The following SMC5 variants were observed in gnomAD, a reference collection of about 807,000 sequenced individuals.
SMC5 encodes the protein structural maintenance of chromosomes 5, also known as structural maintenance of chromosomes protein 5.
A neutral mutation model predicts 148.3 loss-of-function variants in SMC5; 88 were observed. That is an observed-to-expected ratio of 0.59 (90% CI 0.50 to 0.71). The LOEUF is 0.71. SMC5 is among the 30% of genes least tolerant of loss of function. SMC5 has a pLI of 0.00. For missense variants in SMC5, 1,142 were observed against 1,298.9 expected (o/e 0.88, Z 1.86); for synonymous variants, 421 against 432.8 (o/e 0.97, Z 0.34).
rs71364589 is a variant in SMC5 at position 70,270,642 on chromosome 9, ATTTTT to A, written c.380+2687_380+2691del. On this transcript the variant is annotated intron_variant, in intron 3 of 24. Coordinates refer to ENST00000361138, the MANE Select transcript of SMC5 (RefSeq NM_015110.4). Reference sequence around the variant, plus strand: ...AGGAATTGAGGACAGAGACTAAATAATTTTTTTTTTTTTTTTTTTTTTTTGGGACG... The same window carrying A: ...AGGAATTGAGGACAGAGACTAAATAATTTTTTTTTTTTTTTTTTTGGGACG... Among the ~76,000 whole-genome samples, 10 of 103,812 alleles carry A rather than the reference ATTTTT, an allele frequency of 9.6e-5. No individual in the cohort carries two copies. In the South Asian group the frequency reaches 2.4e-3, roughly 25 times the overall value. 68.1% of individuals were successfully genotyped at this position (103,812 alleles called of 152,430 possible).
chr9:70,352,326 T>C lies in SMC5; in HGVS notation c.3301T>C (p.Ser1101Pro). The C allele has an allele frequency of 1.3e-6, 2 of 1,589,016 alleles. No homozygotes were observed. The highest frequency in any genetic ancestry group is 1.7e-6 in the Non-Finnish European group (2 of 1,171,028). Residue 1101 changes from serine to proline, a missense_variant, in exon 25 of 25, where the codon TCT becomes CCT. Around this residue, in one of 5 missense-constraint regions of SMC5, gnomAD observed 63 missense variants for 65.7 expected, o/e 0.96. Coordinates refer to ENST00000361138, the MANE Select transcript of SMC5 (RefSeq NM_015110.4). ...GCGCCGTATTACATTCACTCAACCT[T>C]CTTAATAAAAGTAAAGAGAGGGAAC... ...RRRRITFTQP[S>P]
At chr9:70,330,292 C>T (rs1399949844) in intron 17 of SMC5, among the ~76,000 whole-genome samples, 1 of 152,154 alleles carries the variant, frequency 6.6e-6, no homozygotes, top group Admixed American at 6.5e-5. Flanking sequence ...GTAGTACACA[C>T]ACACATACTT....
At chr9:70,275,269 G>T (rs1044908971) in intron 3 of SMC5, among the ~76,000 whole-genome samples, 5 of 152,070 alleles carry the variant, frequency 3.3e-5, no homozygotes, top group Admixed American at 1.3e-4. Context: ...GTCTCACCCT[G>T]TCATGATCAT....
rs765909632 is a variant in SMC5 at position 70,286,196 on chromosome 9, ACAGG to A, written c.982-1_984del. 9.4e-7 allele frequency: 1 copy of A among 1,063,734 alleles called. No homozygotes were observed. The allele number at this position is 1,063,734 out of a possible 1,614,324, so 65.9% of individuals were successfully genotyped here. The stretch of plus-strand genomic sequence containing the variant: ...CCCCCCCTCTCCCCGGTTTAATTTT[ACAGG>A]CAACAGATATTAAGGAGGCATCTCA... On this transcript the variant is annotated splice_acceptor_variant and splice_polypyrimidine_tract_variant and coding_sequence_variant and intron_variant, in exon 8 of 25. Transcript: ENST00000361138. LOFTEE classifies it high-confidence loss of function.
Position 70,297,888 on chromosome 9 carries a change from A to G in SMC5, c.1054-78A>G, listed in dbSNP as rs1341244556. On this transcript the variant is annotated intron_variant, in intron 8 of 24. Coordinates refer to ENST00000361138, the MANE Select transcript of SMC5 (RefSeq NM_015110.4). ...ACCTATGTTAGATTGTTTGCATGTT[A>G]AAAACTATATTACTACAGAAGTCTT... is the stretch of plus-strand genomic sequence containing the variant. 3 of 1,487,010 alleles carry G rather than the reference A, an allele frequency of 2.0e-6. No homozygotes were observed. The East Asian group carries it at 6.8e-5, about 34-fold the overall frequency. 92.1% of individuals were successfully genotyped at this position (1,487,010 alleles called of 1,614,324 possible). A position where few individuals can be genotyped will look rare whatever the true frequency, so the allele number is the denominator to read the frequency against.
chr9:70,320,700 G>T (rs1025716217), intron 15 of SMC5, among the ~76,000 whole-genome samples: 4 of 152,002 alleles, frequency 2.6e-5, no homozygotes, highest in African/African-American at 9.7e-5. Flanking sequence ...GATGGATACT[G>T]GGGGACAACT....
chr9:70,329,647 C>T (rs1031229684), intron 17 of SMC5, among the ~76,000 whole-genome samples: 4 of 152,192 alleles, frequency 2.6e-5, no homozygotes, highest in East Asian at 3.8e-4. Context: ...CCTCATCTTC[C>T]TGTCTTCTTC....
intron 11 of SMC5, 107 bp from the exon 12 acceptor site, chr9:70,314,635 A>C: frequency 2.2e-6 from 1 of 463,128 alleles, no homozygotes; most frequent in Middle Eastern, 3.4e-4. Flanking sequence ...GCCGTGTTCG[A>C]GTTTCTTATC....
At chr9:70,309,708 A>C (rs1423573126) in intron 11 of SMC5, among the ~76,000 whole-genome samples, 1 of 152,030 alleles carries the variant, frequency 6.6e-6, no homozygotes, top group Non-Finnish European at 1.5e-5. Context: ...CTTTTCCACC[A>C]CATCTGCCAT....
chr9:70,305,085 T>C (rs139418763), intron 10 of SMC5, among the ~76,000 whole-genome samples, 162 bp from the exon 11 acceptor site: 68 of 152,298 alleles, frequency 4.5e-4, no homozygotes, highest in Non-Finnish European at 8.8e-4. Flanking sequence ...TTCTGGGTAA[T>C]GGATTAGATG....
chr9:70,324,943 C>T (rs1478459775), intron 17 of SMC5, among the ~76,000 whole-genome samples: 4 of 152,150 alleles, frequency 2.6e-5, no homozygotes, highest in Non-Finnish European at 5.9e-5. Context: ...TAGGGTACAT[C>T]ACCCTCCTCA....
At position 70,259,124 on chromosome 9, in the gene SMC5, T is replaced by G. The variant is rs369707174; in HGVS notation, c.46T>G (p.Ser16Ala). Reference protein sequence around the residue: ...KKTSTPSPQPSKRALPRDPSS... With the variant: ...KKTSTPSPQPAKRALPRDPSS... ...GACGTCAACTCCAAGCCCCCAGCCT[T>G]CCAAGAGAGCTCTCCCGAGAGACCC... Residue 16 changes from serine to alanine, a missense_variant, in exon 1 of 25, where the codon TCC becomes GCC. Coordinates refer to ENST00000361138, the MANE Select transcript of SMC5 (RefSeq NM_015110.4). The G allele has an allele frequency of 9.3e-6, 15 of 1,612,310 alleles. No homozygotes were observed. Among genetic ancestry groups the G allele is most frequent in the Non-Finnish European group, 1.3e-5 (15 of 1,179,224 alleles).
At chr9:70,314,338 C>T (rs995207319) in intron 11 of SMC5, among the ~76,000 whole-genome samples, 1 of 152,150 alleles carries the variant, frequency 6.6e-6, no homozygotes, top group Non-Finnish European at 1.5e-5. Flanking sequence ...TCCCTTCCAA[C>T]TTCTTTCTTT....
intron 17 of SMC5, among the ~76,000 whole-genome samples, chr9:70,337,794 C>T (rs2036402301): frequency 1.3e-5 from 2 of 151,500 alleles, no homozygotes; most frequent in Middle Eastern, 3.4e-3. Context: ...TGCCGTGTTT[C>T]TGGAAAGTAG....
intron 1 of SMC5, among the ~76,000 whole-genome samples, chr9:70,259,927 C>CTT (rs199684583): frequency 8.2e-5 from 11 of 133,714 alleles, no homozygotes; most frequent in African/African-American, 1.9e-4. Flanking sequence ...TGTTCCAGGT[C>CTT]TTTTTTTTTT....
intron 10 of SMC5, among the ~76,000 whole-genome samples, chr9:70,303,183 C>T (rs2035403934): frequency 6.6e-6 from 1 of 151,766 alleles, no homozygotes; most frequent in Non-Finnish European, 1.5e-5. Context: ...GCCGTGATCA[C>T]ACCACTGCAC....
chr9:70,335,486 TA>T (rs1226430132), intron 17 of SMC5, among the ~76,000 whole-genome samples: 7 of 151,118 alleles, frequency 4.6e-5, no homozygotes, highest in African/African-American at 1.5e-4. Context: ...GACCCTGTCT[TA>T]AAAAAAAACC....
At chr9:70,328,475 TAAGTCTTAATGCTCCCAAA>T (rs1337302780) in intron 17 of SMC5, among the ~76,000 whole-genome samples, 2 of 152,156 alleles carry the variant, frequency 1.3e-5, no homozygotes, top group Non-Finnish European at 2.9e-5. Flanking sequence ...GGCAAACATT[TAAGTCTTAATGCTCCCAAA>T]AAGTCTTTGA....
intron 5 of SMC5, among the ~76,000 whole-genome samples, chr9:70,279,765 C>G (rs1173194210): frequency 7.0e-6 from 1 of 143,092 alleles, no homozygotes; most frequent in Non-Finnish European, 1.5e-5. Context: ...TGTAGTGAGC[C>G]GAGAACACGC....
Sources: gnomAD v4.1 joint callset for allele counts (sites outside exome capture counted in the v4.1 genomes callset) on GRCh38, gnomAD v4.1.1 for gene constraint, gnomAD v4.1.1 regional missense constraint, MANE v1.5 for transcripts, NCBI Gene and HGNC (gene_info 2026-07-23, HGNC 2026-07-21) for gene names.